The following TRMT9B variants were observed in gnomAD, a reference collection of about 807,000 sequenced individuals.
TRMT9B encodes the protein probable tRNA methyltransferase 9B.
A neutral mutation model predicts 11.5 loss-of-function variants in TRMT9B; 16 were observed. The ratio of observed to expected loss-of-function variants is 1.39; its 90% confidence interval spans 0.94 to 2.11. TRMT9B has a LOEUF of 2.11. TRMT9B is among the 30% of genes most tolerant of loss of function. TRMT9B has a pLI of 0.00. For synonymous variants in TRMT9B, 274 were observed against 192.4 expected (o/e 1.42, Z -3.51); for missense variants, 941 against 553.8 (o/e 1.70, Z -7.02).
In TRMT9B at chr8:12,978,518, T is replaced by TA. The variant is rs72580093; in HGVS notation, c.-199-12316_-199-12315insA. On this transcript the variant is annotated intron_variant, in intron 1 of 4. Coordinates refer to ENST00000524591, the MANE Select transcript of TRMT9B (RefSeq NM_020844.3). ...GAGAGATAGACAGATGATAGATAGA[T>TA]GATAGATAGATAGATAGATAGATAG... Among the ~76,000 whole-genome samples, 34 of 41,830 alleles carry TA rather than the reference T, an allele frequency of 8.1e-4. 1 individual carries two copies. Among genetic ancestry groups the TA allele is most frequent in the African/African-American group, 2.3e-3 (21 of 9,182 alleles). The allele number at this position is 41,830 out of a possible 152,430, so 27.4% of individuals were successfully genotyped here. A position where few individuals can be genotyped will look rare whatever the true frequency, so the allele number is the denominator to read the frequency against.
At chr8:12,952,721 T>C in intron 1 of TRMT9B, 1 of 974,492 alleles carries the variant, frequency 1.0e-6, no homozygotes, top group Non-Finnish European at 1.2e-6. Context: ...ATTTGTATGA[T>C]ATTACTTGCT....
At chr8:13,009,994 C>G (rs1435710654) in intron 3 of TRMT9B, among the ~76,000 whole-genome samples, 2 of 151,914 alleles carry the variant, frequency 1.3e-5, no homozygotes. Flanking sequence ...AAATAATTAG[C>G]TAAGCATGAT....
At chr8:12,969,846 A>ATTTTT (rs368805990) in intron 1 of TRMT9B, among the ~76,000 whole-genome samples, 2 of 124,372 alleles carry the variant, frequency 1.6e-5, no homozygotes, top group African/African-American at 3.0e-5. Context: ...TAATGTTTTA[A>ATTTTT]TTTTTTTTTT....
chr8:13,012,851 A>G lies in TRMT9B; in HGVS notation c.322A>G (p.Ile108Val), dbSNP rs745945570. Residue 108 changes from isoleucine (I) to valine (V), a missense_variant, in exon 4 of 5, where the codon ATA becomes GTA. Ile to Val is a conservative substitution (Grantham distance 29). Coordinates refer to ENST00000524591, the MANE Select transcript of TRMT9B (RefSeq NM_020844.3). ...TGAGGGCTTCGATGCCATCATCTCC[A>G]TAGGAGGTAAGGCAGCCAGATCACA... ...RDEGFDAIIS[I>V]GVIHHFSTKQ... 7.4e-6 allele frequency: 12 copies of G among 1,613,600 alleles called. No individual in the cohort carries two copies. Among genetic ancestry groups the G allele is most frequent in the East Asian group, 2.2e-5 (1 of 44,884 alleles).
At chr8:13,006,148 A>G in intron 2 of TRMT9B, 54 bp from the exon 3 acceptor site, 1 of 1,560,448 alleles carries the variant, frequency 6.4e-7, no homozygotes. Flanking sequence ...TCCTTCAGCC[A>G]TCTATGGTGC....
At chr8:13,012,045 G>T in intron 3 of TRMT9B, 1 of 985,342 alleles carries the variant, frequency 1.0e-6, no homozygotes. Context: ...GAGGCTACAC[G>T]TGGTCTCTCG....
intron 1 of TRMT9B, among the ~76,000 whole-genome samples, chr8:12,969,121 G>C (rs148941388): frequency 4.6e-5 from 7 of 152,180 alleles, no homozygotes; most frequent in Non-Finnish European, 7.3e-5. Context: ...GCTGAGGCAG[G>C]AGAATCGCTT....
chr8:13,027,806 T>TC lies in TRMT9B; in HGVS notation c.*5763dup. 7.3e-5 allele frequency: 10 copies of TC among 137,140 alleles called. No individual in the cohort carries two copies. The East Asian group carries it at 3.1e-3, about 43-fold the overall frequency. The allele number at this position is 137,140 out of a possible 1,614,324, so 8.5% of individuals were successfully genotyped here. ...GGAAAACCACGGAAGTGGGAGGGAA[T>TC]CAAGAAGCATTAACAGACCCTCCAC... On this transcript the variant is annotated 3_prime_UTR_variant, in exon 5 of 5. Transcript: ENST00000524591.
At chr8:13,012,022 G>A (rs1811697999) in intron 3 of TRMT9B, 1 of 985,366 alleles carries the variant, frequency 1.0e-6, no homozygotes, top group Non-Finnish European at 1.2e-6. Context: ...AATGAAATAT[G>A]AATGTGAGCT....
At chr8:12,950,101 A>C (rs1800476899) in intron 1 of TRMT9B, among the ~76,000 whole-genome samples, 1 of 151,998 alleles carries the variant, frequency 6.6e-6, no homozygotes, top group Admixed American at 6.6e-5. Flanking sequence ...CGATCCTCCC[A>C]CCTCAGCCTC....
chr8:12,976,915 G>T (rs1804551044), intron 1 of TRMT9B, among the ~76,000 whole-genome samples: 1 of 152,096 alleles, frequency 6.6e-6, no homozygotes, highest in African/African-American at 2.4e-5. Flanking sequence ...GGGAGTTGGG[G>T]TAATACATTA....
Position 13,021,521 on chromosome 8 carries a change from C to T in TRMT9B, c.842C>T (p.Thr281Ile). The change falls in exon 5 of 5, where the codon ACT becomes ATT. Residue 281 changes from threonine to isoleucine, a missense_variant. Thr to Ile is a moderately conservative substitution (Grantham distance 89, BLOSUM62 -1). Coordinates refer to ENST00000524591, the MANE Select transcript of TRMT9B (RefSeq NM_020844.3). ...LKNTEVWASS[T>I]VTVQPSRHSS... ...AACACAGAAGTTTGGGCCAGTAGCA[C>T]TGTAACAGTCCAGCCTTCCAGACAC... 1 of 1,613,788 alleles carries T rather than the reference C, an allele frequency of 6.2e-7. No homozygotes were observed. The highest frequency in any genetic ancestry group is 8.5e-7 in the Non-Finnish European group (1 of 1,179,732).
At chr8:12,975,657 G>C (rs1804335719) in intron 1 of TRMT9B, among the ~76,000 whole-genome samples, 1 of 152,166 alleles carries the variant, frequency 6.6e-6, no homozygotes, top group Non-Finnish European at 1.5e-5. Flanking sequence ...AGAATCCTTT[G>C]AACCCGTGAG....
In TRMT9B at chr8:13,028,965, G is replaced by C. The variant is rs769479674; in HGVS notation, c.*6921G>C. 2 of 166,980 alleles carry C rather than the reference G, an allele frequency of 1.2e-5. No individual in the cohort carries two copies. The highest frequency in any genetic ancestry group is 2.4e-5 in the African/African-American group (1 of 41,416). 10.3% of individuals were successfully genotyped at this position (166,980 alleles called of 1,614,324 possible). A position where few individuals can be genotyped will look rare whatever the true frequency, so the allele number is the denominator to read the frequency against. On this transcript the variant is annotated 3_prime_UTR_variant, in exon 5 of 5. Transcript: ENST00000524591. ...CTAATGTGGACCTAAGTGAGTATCT[G>C]AGAGGCTTTGAATATGTATGTGCAA...
intron 1 of TRMT9B, among the ~76,000 whole-genome samples, chr8:12,981,878 G>A (rs1160735144): frequency 6.6e-6 from 1 of 152,016 alleles, no homozygotes; most frequent in Admixed American, 6.6e-5. Flanking sequence ...GTTGGGAGGT[G>A]ACAACGTTTT....
At chr8:12,964,969 G>GA (rs1041524113) in intron 1 of TRMT9B, among the ~76,000 whole-genome samples, 2 of 151,990 alleles carry the variant, frequency 1.3e-5, no homozygotes, top group African/African-American at 4.8e-5. Context: ...TATGAAAACC[G>GA]AAAAAATTAA....
intron 4 of TRMT9B, among the ~76,000 whole-genome samples, chr8:13,018,287 A>T (rs1269510294): frequency 6.6e-6 from 1 of 150,876 alleles, no homozygotes; most frequent in Non-Finnish European, 1.5e-5. Context: ...CTGTGGTCCC[A>T]GCTACTCAGG....
intron 1 of TRMT9B, among the ~76,000 whole-genome samples, chr8:12,960,897 C>G (rs1172736100): frequency 6.6e-6 from 1 of 152,164 alleles, no homozygotes; most frequent in African/African-American, 2.4e-5. Flanking sequence ...AATCCCAGCA[C>G]TTTGGGAGGC....
At chr8:12,993,641 C>T (rs1023126723) in intron 2 of TRMT9B, among the ~76,000 whole-genome samples, 1 of 152,202 alleles carries the variant, frequency 6.6e-6, no homozygotes, top group Non-Finnish European at 1.5e-5. Context: ...CAACTTTGAT[C>T]TTCTAGGCTG....
Sources: gnomAD v4.1 joint callset for allele counts (sites outside exome capture counted in the v4.1 genomes callset) on GRCh38, gnomAD v4.1.1 for gene constraint, MANE v1.5 for transcripts, NCBI Gene and HGNC (gene_info 2026-07-23, HGNC 2026-07-21) for gene names.